TTC28: variants seen among roughly 807,000 people sequenced by gnomAD.
TTC28 encodes tetratricopeptide repeat domain 28.
Under a neutral mutation model 198.0 loss-of-function variants are expected in TTC28, and 61 were observed. The ratio of observed to expected loss-of-function variants is 0.31; its 90% CI spans 0.25 to 0.38. The LOEUF (loss-of-function observed/expected upper bound fraction) is 0.38. Among genes scored for constraint, TTC28 ranks in the 10% least tolerant of loss-of-function variants. The pLI, the probability that TTC28 is intolerant of heterozygous loss-of-function variation, is 1.00. For synonymous variants in TTC28, 1,171 were observed against 1,297.8 expected (o/e 0.90, Z 2.10); for missense variants, 2,678 against 3,164.0 (o/e 0.85, Z 3.69).
intron 6 of TTC28, among the ~76,000 whole-genome samples, chr22:28,136,065 T>G (rs950092427): frequency 2.0e-5 from 3 of 152,218 alleles, no homozygotes; most frequent in East Asian, 1.9e-4. Context: ...CCAGTTGCTA[T>G]AAAAGTTTCA....
intron 5 of TTC28, among the ~76,000 whole-genome samples, chr22:28,258,707 T>C (rs1240779249): frequency 1.3e-5 from 2 of 152,118 alleles, no homozygotes; most frequent in Non-Finnish European, 2.9e-5. Context: ...TGAATAGATG[T>C]TCAAATTCAT....
chr22:28,640,958 C>G (rs956974680), intron 1 of TTC28, among the ~76,000 whole-genome samples: 1 of 152,020 alleles, frequency 6.6e-6, no homozygotes, highest in Non-Finnish European at 1.5e-5. Flanking sequence ...GTGGAAACAA[C>G]CAAAATATCC....
intron 12 of TTC28, among the ~76,000 whole-genome samples, chr22:28,050,209 C>G (rs1940032757): frequency 6.6e-6 from 1 of 152,060 alleles, no homozygotes; most frequent in African/African-American, 2.4e-5. Context: ...TGAATCAGGC[C>G]TGTTCATTCC....
chr22:28,290,263 C>A (rs9625447), intron 5 of TTC28, among the ~76,000 whole-genome samples: 10,565 of 151,934 alleles, frequency 0.07, 539 homozygotes, highest in Non-Finnish European at 0.096. Flanking sequence ...TGCAAAAGGG[C>A]AAACAAGGTA....
intron 2 of TTC28, among the ~76,000 whole-genome samples, chr22:28,473,682 C>T (rs1005137950): frequency 1.3e-5 from 2 of 152,226 alleles, no homozygotes; most frequent in African/African-American, 4.8e-5. Flanking sequence ...AAGCTGCTAA[C>T]ACCACTGCAT....
intron 5 of TTC28, among the ~76,000 whole-genome samples, chr22:28,199,548 T>TATATATATATATATATATATAC (rs60177369): frequency 6.8e-5 from 10 of 147,430 alleles, no homozygotes; most frequent in Admixed American, 2.7e-4. Flanking sequence ...TATATATATA[T>TATATATATATATATATATATAC]ACACACAAAC....
At chr22:28,159,255 C>T (rs1040071876) in intron 6 of TTC28, among the ~76,000 whole-genome samples, 1 of 152,142 alleles carries the variant, frequency 6.6e-6, no homozygotes, top group Non-Finnish European at 1.5e-5. Flanking sequence ...ATAACAAATG[C>T]TGGCAAGGAT....
At chr22:28,426,580 T>C (rs1161257236) in intron 2 of TTC28, among the ~76,000 whole-genome samples, 1 of 152,148 alleles carries the variant, frequency 6.6e-6, no homozygotes, top group East Asian at 1.9e-4. Context: ...CCTAAGGAAC[T>C]AGGAATAAGG....
At chr22:28,371,529 A>AAAAAAAAAAC (rs71194763) in intron 2 of TTC28, among the ~76,000 whole-genome samples, 1 of 125,698 alleles carries the variant, frequency 8.0e-6, no homozygotes, top group Non-Finnish European at 1.7e-5. Flanking sequence ...AAAAAAAAAA[A>AAAAAAAAAAC]GAGTTCAGAA....
intron 2 of TTC28, among the ~76,000 whole-genome samples, chr22:28,351,117 GC>G (rs1329153991): frequency 6.6e-6 from 1 of 152,014 alleles, no homozygotes; most frequent in Non-Finnish European, 1.5e-5. Context: ...CGGGAGCGGA[GC>G]TTGCAGTGAG....
chr22:28,665,455 C>A (rs1486437125), intron 1 of TTC28, among the ~76,000 whole-genome samples: 1 of 24,456 alleles, frequency 4.1e-5, no homozygotes, highest in African/African-American at 1.6e-4. Context: ...GGAGGAAGAT[C>A]TACCAAGCCA....
chr22:27,987,680 G>A (rs1307331166), intron 21 of TTC28, among the ~76,000 whole-genome samples: 1 of 152,138 alleles, frequency 6.6e-6, no homozygotes, highest in Non-Finnish European at 1.5e-5. Context: ...CAGCACCCCA[G>A]CCTGGGTAAT....
Position 28,465,722 on chromosome 22 carries a change from G to A in TTC28, c.382-159079C>T, listed in dbSNP as rs528432802. Among the ~76,000 whole-genome samples, 5 of 152,240 alleles carry A rather than the reference G, an allele frequency of 3.3e-5. No homozygotes were observed. In the South Asian group the frequency reaches 6.2e-4, roughly 19 times the overall value. ...AATAGTGGCTTAACATAAGGGAGAC[G>A]TTTAATTTTCTCTGATATTAACAAA... On this transcript the variant is annotated intron_variant, in intron 2 of 22. Transcript: ENST00000397906.
At chr22:28,130,317 G>A (rs929684895) in intron 6 of TTC28, among the ~76,000 whole-genome samples, 1 of 152,128 alleles carries the variant, frequency 6.6e-6, no homozygotes, top group East Asian at 1.9e-4. Context: ...CCAAGGAAAA[G>A]CAGAAGATTC....
At chr22:28,533,085 G>C (rs1055827950) in intron 2 of TTC28, among the ~76,000 whole-genome samples, 1 of 152,074 alleles carries the variant, frequency 6.6e-6, no homozygotes, top group African/African-American at 2.4e-5. Context: ...AGAAATAAAG[G>C]GTATTCGATT....
intron 2 of TTC28, among the ~76,000 whole-genome samples, chr22:28,316,245 C>A (rs2045349186): frequency 6.6e-6 from 1 of 152,130 alleles, no homozygotes; most frequent in Non-Finnish European, 1.5e-5. Flanking sequence ...TGCCTGCAGG[C>A]TGTTCTTTTG....
intron 2 of TTC28, among the ~76,000 whole-genome samples, chr22:28,372,930 G>T (rs961586236): frequency 1.3e-5 from 2 of 152,128 alleles, no homozygotes; most frequent in African/African-American, 4.8e-5. Context: ...CCAGAACAGT[G>T]TATGTTTCTA....
chr22:28,616,689 AAAAATAC>A (rs777807214), intron 2 of TTC28, among the ~76,000 whole-genome samples: 22 of 152,034 alleles, frequency 1.4e-4, no homozygotes, highest in Non-Finnish European at 2.1e-4. Context: ...CCGTCTCTAC[AAAAATAC>A]AAAAATTAGT....
At chr22:28,004,859 ACATAT>A (rs1369575913) in intron 14 of TTC28, among the ~76,000 whole-genome samples, 1 of 152,226 alleles carries the variant, frequency 6.6e-6, no homozygotes, top group Non-Finnish European at 1.5e-5. Context: ...TATTCAGCTT[ACATAT>A]CATCAGTCAG....
Sources: gnomAD v4.1 joint callset for allele counts (sites outside exome capture counted in the v4.1 genomes callset) on GRCh38, gnomAD v4.1.1 for gene constraint, MANE v1.5 for transcripts, NCBI Gene and HGNC (gene_info 2026-07-23, HGNC 2026-07-21) for gene names.